The following EEF1AKMT2 variants were observed in gnomAD, a reference collection of about 807,000 sequenced individuals.
EEF1AKMT2 encodes eukaryotic translation elongation factor 1 alpha lysine methyltransferase 2.
Under a neutral mutation model 35.8 loss-of-function variants are expected in EEF1AKMT2, and 32 were observed. That is an observed-to-expected ratio of 0.89 (90% confidence interval 0.67 to 1.20). EEF1AKMT2 has a LOEUF of 1.20. EEF1AKMT2 is among the 50% of genes most tolerant of loss of function. EEF1AKMT2 has a pLI of 0.00. For missense variants in EEF1AKMT2, 330 were observed against 347.5 expected, an observed-to-expected ratio of 0.95 and a Z score of 0.40; for synonymous variants, 121 against 133.7, an observed-to-expected ratio of 0.91 and a Z score of 0.65.
chr10:124,784,949 G>T (rs1950571924), intron 3 of EEF1AKMT2, among the ~76,000 whole-genome samples: 1 of 126,388 alleles, frequency 7.9e-6, no homozygotes, highest in African/African-American at 3.8e-5. Flanking sequence ...AAAAAAAAAG[G>T]TCTAAATGTA....
At chr10:124,764,228 C>T (rs947684657) in intron 5 of EEF1AKMT2, among the ~76,000 whole-genome samples, 60 of 146,738 alleles carry the variant, frequency 4.1e-4, no homozygotes, top group African/African-American at 1.5e-3. Flanking sequence ...AAAATTTAAC[C>T]AAATATTGAG....
chr10:124,784,734 C>T (rs1950569841), intron 3 of EEF1AKMT2, among the ~76,000 whole-genome samples: 1 of 151,870 alleles, frequency 6.6e-6, no homozygotes, highest in South Asian at 2.1e-4. Flanking sequence ...AGTTTAAGAC[C>T]AGCCTGGACA....
chr10:124,773,763 A>T (rs1270055489), intron 4 of EEF1AKMT2, among the ~76,000 whole-genome samples: 1 of 152,232 alleles, frequency 6.6e-6, no homozygotes, highest in East Asian at 1.9e-4. Flanking sequence ...CAGATAAAAT[A>T]ATAATGAAAA....
Position 124,791,835 on chromosome 10 carries a change from TCGCTCCACGTCCTGGACGGC to T in EEF1AKMT2, c.-22_-3del. ...GCCGCCGTCAGCGCCCGAGCTCATT[TCGCTCCACGTCCTGGACGGC>T]CGTTGGGGCCGCCATAGAGACGGGG... On this transcript the variant is annotated 5_prime_UTR_variant, in exon 1 of 7. Coordinates refer to ENST00000368836, the MANE Select transcript of EEF1AKMT2 (RefSeq NM_212554.4). The T allele has an allele frequency of 6.4e-7, 1 of 1,570,126 alleles. No homozygotes were observed. The highest frequency in any genetic ancestry group is 8.6e-7 in the Non-Finnish European group (1 of 1,164,446).
chr10:124,767,511 CAAA>C (rs1193595891), intron 4 of EEF1AKMT2, among the ~76,000 whole-genome samples: 7 of 60,110 alleles, frequency 1.2e-4, no homozygotes, highest in Admixed American at 2.0e-4. Flanking sequence ...GACACTGCCT[CAAA>C]AAAAAAAAAA....
At chr10:124,773,765 T>C (rs1220326288) in intron 4 of EEF1AKMT2, among the ~76,000 whole-genome samples, 1 of 152,150 alleles carries the variant, frequency 6.6e-6, no homozygotes, top group Non-Finnish European at 1.5e-5. Context: ...GATAAAATAA[T>C]AATGAAAAGC....
chr10:124,758,160 A>G lies in EEF1AKMT2; in HGVS notation c.*2343T>C, dbSNP rs1320971442. 6.6e-6 allele frequency: 1 copy of G among 152,238 alleles called. No individual in the cohort carries two copies. The highest frequency in any genetic ancestry group is 2.4e-5 in the African/African-American group (1 of 41,470). 9.4% of individuals were successfully genotyped at this position (152,238 alleles called of 1,614,324 possible). On this transcript the variant is annotated 3_prime_UTR_variant, in exon 7 of 7. Coordinates refer to ENST00000368836, the MANE Select transcript of EEF1AKMT2 (RefSeq NM_212554.4). ...CTCAAAGTAAGCGTCTTTCGATTAA[A>G]TGAAATCACAATTCCAGCTTCTTAT...
At chr10:124,778,693 A>G (rs1267688148) in intron 3 of EEF1AKMT2, among the ~76,000 whole-genome samples, 1 of 150,430 alleles carries the variant, frequency 6.6e-6, no homozygotes, top group Non-Finnish European at 1.5e-5. Flanking sequence ...ATGGCACTCC[A>G]GCCTGGGTGA....
rs1554918000 is a variant in EEF1AKMT2, at chr10:124,774,406, A to AAAAAAAAAAAAAAAG, written c.399+268_399+269insCTTTTTTTTTTTTTT. The stretch of plus-strand genomic sequence containing the variant: ...AAAAAAAAAAAAAAAAAAAAAAAAA[A>AAAAAAAAAAAAAAAG]AAAACCCTTTTGATCTGGTTAATCC... On this transcript the variant is annotated intron_variant, in intron 4 of 6. Coordinates refer to ENST00000368836, the MANE Select transcript of EEF1AKMT2 (RefSeq NM_212554.4). 3.9e-4 allele frequency among the ~76,000 whole-genome samples: 19 copies of AAAAAAAAAAAAAAAG among 48,508 alleles called. 6 individuals are homozygous for AAAAAAAAAAAAAAAG. The highest frequency in any genetic ancestry group is 7.9e-4 in the African/African-American group (13 of 16,494). 31.8% of individuals were successfully genotyped at this position (48,508 alleles called of 152,430 possible). A position where few individuals can be genotyped will look rare whatever the true frequency, so the allele number is the denominator to read the frequency against.
chr10:124,776,912 A>C (rs1012139256), intron 3 of EEF1AKMT2, among the ~76,000 whole-genome samples: 2 of 152,148 alleles, frequency 1.3e-5, no homozygotes, highest in African/African-American at 4.8e-5. Context: ...AGCAAAGAAC[A>C]GTCAGAAGAA....
chr10:124,776,051 G>A (rs570556996), intron 3 of EEF1AKMT2, among the ~76,000 whole-genome samples: 1 of 152,068 alleles, frequency 6.6e-6, no homozygotes, highest in Admixed American at 6.6e-5. Flanking sequence ...CCAAGTAGCT[G>A]GGACTACAGG....
At chr10:124,780,436 G>A (rs7099316) in intron 3 of EEF1AKMT2, among the ~76,000 whole-genome samples, 82,778 of 152,022 alleles carry the variant, frequency 0.54, 23,123 homozygotes, top group South Asian at 0.65. Context: ...AAATCATGCA[G>A]TAAAAAATTA....
At chr10:124,774,374 CAAAAAAAAAA>C (rs57130146) in intron 4 of EEF1AKMT2, among the ~76,000 whole-genome samples, 294 of 21,706 alleles carry the variant, frequency 0.014, 5 homozygotes, top group Non-Finnish European at 0.02. Context: ...GACTCAGTCT[CAAAAAAAAAA>C]AAAAAAAAAA....
intron 3 of EEF1AKMT2, among the ~76,000 whole-genome samples, chr10:124,781,108 G>A (rs1394295015): frequency 6.6e-6 from 1 of 151,902 alleles, no homozygotes; most frequent in Non-Finnish European, 1.5e-5. Flanking sequence ...ACCACGCCCG[G>A]CTAATTTTTT....
At position 124,767,757 on chromosome 10, in the gene EEF1AKMT2, G is replaced by A. The variant is rs540818762; in HGVS notation, c.400-2149C>T. Among the ~76,000 whole-genome samples the A allele has an allele frequency of 3.3e-5, 5 of 152,072 alleles. No individual in the cohort carries two copies. In the East Asian group the frequency reaches 5.8e-4, roughly 18 times the overall value. On this transcript the variant is annotated intron_variant, in intron 4 of 6. Coordinates refer to ENST00000368836, the MANE Select transcript of EEF1AKMT2 (RefSeq NM_212554.4). ...TCCCAACACTTTGGGAGGCCGAGACGGGTAGATCACCTGAGGTCAGGAGTT... is the reference window on the plus strand; with the variant it reads ...TCCCAACACTTTGGGAGGCCGAGACAGGTAGATCACCTGAGGTCAGGAGTT...
intron 3 of EEF1AKMT2, among the ~76,000 whole-genome samples, chr10:124,777,052 G>A (rs1056398287): frequency 6.6e-6 from 1 of 151,876 alleles, no homozygotes; most frequent in East Asian, 1.9e-4. Context: ...GGCCAAGGCA[G>A]GTGGATCACC....
chr10:124,775,276 T>C (rs972472752), intron 3 of EEF1AKMT2, among the ~76,000 whole-genome samples: 9 of 152,232 alleles, frequency 5.9e-5, no homozygotes, highest in African/African-American at 2.2e-4. Flanking sequence ...TATACTACTT[T>C]TACGTCTTTA....
At chr10:124,786,715 C>T (rs1348226086) in intron 3 of EEF1AKMT2, among the ~76,000 whole-genome samples, 2 of 151,550 alleles carry the variant, frequency 1.3e-5, no homozygotes, top group African/African-American at 4.9e-5. Context: ...GAGGCTGAGG[C>T]AGGAAAATCG....
chr10:124,762,297 T>C lies in EEF1AKMT2; in HGVS notation c.875+3A>G. 1 of 1,067,670 alleles carries C rather than the reference T, an allele frequency of 9.4e-7. No individual in the cohort carries two copies. The allele number at this position is 1,067,670 out of a possible 1,614,324, so 66.1% of individuals were successfully genotyped here. On this transcript the variant is annotated splice_donor_region_variant and intron_variant, in intron 6 of 6. Transcript: ENST00000368836. Reference sequence around the variant, plus strand: ...AAATAAATAAAGCTGGAAGGTCACTTACTAAAATGCCAACGAGGGCCTGGC... The same window carrying C: ...AAATAAATAAAGCTGGAAGGTCACTCACTAAAATGCCAACGAGGGCCTGGC...
Sources: gnomAD v4.1 joint callset for allele counts (sites outside exome capture counted in the v4.1 genomes callset) on GRCh38, gnomAD v4.1.1 for gene constraint, MANE v1.5 for transcripts, NCBI Gene and HGNC (gene_info 2026-07-23, HGNC 2026-07-21) for gene names.